Variants in WIZ observed in about 807,000 individuals in gnomAD.
WIZ encodes the protein WIZ zinc finger, also known as protein Wiz.
Under a neutral mutation model 140.2 loss-of-function variants are expected in WIZ, and 25 were observed. The observed-to-expected ratio is 0.18, with a 90% CI of 0.13 to 0.25. The LOEUF (loss-of-function observed/expected upper bound fraction) is 0.25. Ranked by LOEUF, WIZ falls within the 10% of genes least tolerant of loss-of-function variation. The pLI is 1.00. For missense variants in WIZ, 2,231 were observed against 2,632.6 expected (o/e 0.85, Z 3.34); for synonymous variants, 1,125 against 1,154.3 (o/e 0.97, Z 0.51).
chr19:15,444,287 G>T (rs1417549127), intron 2 of WIZ, among the ~76,000 whole-genome samples: 1 of 152,200 alleles, frequency 6.6e-6, no homozygotes, highest in Admixed American at 6.5e-5. Flanking sequence ...GAAAGGTGTG[G>T]TCACTGGCTG....
rs1016701285 is a variant in WIZ at position 15,438,688 on chromosome 19, C to T, written c.2306G>A (p.Arg769Gln). The T allele has an allele frequency of 5.2e-6, 8 of 1,536,146 alleles. No homozygotes were observed. The highest frequency in any genetic ancestry group is 2.0e-5 in the Admixed American group (1 of 51,006). ...GACGCCCACGCGGTTCAGGTGGCCC[C>T]GGACGTGGTTGGCCAAGCCGATGCC... ...HNGIGLANHV[R>Q]GHLNRVGVSY... The change falls in exon 4 of 13, where the codon CGG becomes CAG. Residue 769 changes from arginine (R) to glutamine (Q), a missense_variant. Arg to Gln is a conservative substitution (Grantham distance 43). Transcript: ENST00000673675.
In WIZ at chr19:15,448,209, C is replaced by A; in HGVS notation, c.99G>T (p.Gly33=). The A allele has an allele frequency of 6.2e-7, 1 of 1,613,298 alleles. No homozygotes were observed. ...CACCTTCCCCCTCAGCAGCTTCGGC[C>A]CCACCCTCGATGTTCTCCCTTGGCG... The part of the protein sequence containing the change: ...GPAPRENIEG[G]AEAAEGEGGI... The change falls in exon 2 of 13, where the codon GGG becomes GGT. Residue 33 remains glycine (G), a synonymous_variant. Transcript: ENST00000673675.
chr19:15,436,125 A>G (rs1000780165), intron 5 of WIZ, among the ~76,000 whole-genome samples: 1 of 152,170 alleles, frequency 6.6e-6, no homozygotes, highest in African/African-American at 2.4e-5. Context: ...TCCATCTCGA[A>G]AAAAAAGAAA....
In WIZ at chr19:15,420,971, C is replaced by T. The variant is rs1280770009; in HGVS notation, c.*2105G>A. 3 of 152,092 alleles carry T rather than the reference C, an allele frequency of 2.0e-5. No individual in the cohort carries two copies. Among genetic ancestry groups the T allele is most frequent in the African/African-American group, 4.8e-5 (2 of 41,416 alleles). The allele number at this position is 152,092 out of a possible 1,614,324, so 9.4% of individuals were successfully genotyped here. A position where few individuals can be genotyped will look rare whatever the true frequency, so the allele number is the denominator to read the frequency against. The stretch of plus-strand genomic sequence containing the variant: ...TCTCTACAAAAATTACAGATATAAG[C>T]CAGGGGTGGTGGTGCATGCCTGTGA... On this transcript the variant is annotated 3_prime_UTR_variant, in exon 13 of 13. Transcript: ENST00000673675.
chr19:15,421,579 C>T lies in WIZ; in HGVS notation c.*1497G>A, dbSNP rs1030595749. The T allele has an allele frequency of 1.3e-5, 2 of 152,200 alleles. No homozygotes were observed. Among genetic ancestry groups the T allele is most frequent in the Non-Finnish European group, 2.9e-5 (2 of 68,036 alleles). 9.4% of individuals were successfully genotyped at this position (152,200 alleles called of 1,614,324 possible). ...AAATGTTCAATAAACATTTGCAGAG[C>T]GAGAAAATAAATAACATCGCAAAGG... is the stretch of plus-strand genomic sequence containing the variant. On this transcript the variant is annotated 3_prime_UTR_variant, in exon 13 of 13. Coordinates refer to ENST00000673675, the MANE Select transcript of WIZ (RefSeq NM_001371589.1).
In WIZ at chr19:15,440,876, C is replaced by T. The variant is rs538804042; in HGVS notation, c.279-161G>A. 3.3e-5 allele frequency among the ~76,000 whole-genome samples: 5 copies of T among 152,118 alleles called. No homozygotes were observed. Among genetic ancestry groups the T allele is most frequent in the African/African-American group, 9.6e-5 (4 of 41,500 alleles). On this transcript the variant is annotated intron_variant, in intron 3 of 12. Transcript: ENST00000673675. The surrounding 1 kb of genome is among the most constrained non-coding windows in gnomAD (Gnocchi z 6.2). Reference sequence around the variant, plus strand: ...GAGGGTGGGAGGTAGGGGGAGTCCACGTGGATCCTTCCGGACCTATCGGGT... The same window carrying T: ...GAGGGTGGGAGGTAGGGGGAGTCCATGTGGATCCTTCCGGACCTATCGGGT...
chr19:15,424,520 G>T lies in WIZ; in HGVS notation c.5314+93C>A. ...TGAATGGGTAAGCAACTGGAGAAAGGACTTAAGGGCCACAGCAGAGCGCCT... is the reference window on the plus strand; with the variant it reads ...TGAATGGGTAAGCAACTGGAGAAAGTACTTAAGGGCCACAGCAGAGCGCCT... On this transcript the variant is annotated intron_variant, in intron 11 of 12. Coordinates refer to ENST00000673675, the MANE Select transcript of WIZ (RefSeq NM_001371589.1). This position sits in a 1 kb window ranked among gnomAD's most constrained non-coding sequence, Gnocchi z 9.7. The T allele has an allele frequency of 6.5e-7, 1 of 1,531,048 alleles. No individual in the cohort carries two copies. Among genetic ancestry groups the T allele is most frequent in the South Asian group, 1.3e-5 (1 of 79,874 alleles). 94.8% of individuals were successfully genotyped at this position (1,531,048 alleles called of 1,614,324 possible). A position where few individuals can be genotyped will look rare whatever the true frequency, so the allele number is the denominator to read the frequency against.
intron 5 of WIZ, chr19:15,433,187 C>T (rs1445445520): frequency 5.4e-6 from 5 of 933,114 alleles, no homozygotes; most frequent in South Asian, 9.9e-5. Context: ...CACAAGAATC[C>T]CTCCAGTATC....
At chr19:15,449,635 C>T (rs1422745532) in intron 1 of WIZ, 163 bp downstream of exon 1, 2 of 149,762 alleles carry the variant, frequency 1.3e-5, no homozygotes, top group African/African-American at 4.9e-5. Flanking sequence ...CCGCCCCTCC[C>T]CCCACCTGCA....
intron 2 of WIZ, among the ~76,000 whole-genome samples, chr19:15,447,821 G>A (rs1430554407): frequency 2.6e-5 from 4 of 152,144 alleles, no homozygotes; most frequent in Non-Finnish European, 5.9e-5. Context: ...ATGGGCCTCT[G>A]GACCCAATTA....
At chr19:15,434,189 C>T (rs1198659955) in intron 5 of WIZ, among the ~76,000 whole-genome samples, 3 of 143,958 alleles carry the variant, frequency 2.1e-5, no homozygotes, top group African/African-American at 7.8e-5. Flanking sequence ...ACCCGGGAGG[C>T]GGAGGTTGCA....
At chr19:15,438,021 A>C (rs972684813) in intron 4 of WIZ, among the ~76,000 whole-genome samples, 1 of 151,982 alleles carries the variant, frequency 6.6e-6, no homozygotes, top group Non-Finnish European at 1.5e-5. Flanking sequence ...ACGCACACAC[A>C]CACACTCAAA....
intron 2 of WIZ, among the ~76,000 whole-genome samples, chr19:15,444,301 G>A (rs1969844003): frequency 1.3e-5 from 2 of 152,144 alleles, no homozygotes; most frequent in African/African-American, 4.8e-5. Flanking sequence ...CTGGCTGAGG[G>A]TCCTTCTTCT....
chr19:15,436,544 C>T (rs1404717866), intron 5 of WIZ: 3 of 450,192 alleles, frequency 6.7e-6, no homozygotes, highest in African/African-American at 6.2e-5. Context: ...CCAGTAAAAG[C>T]TCAGTAAGCA....
chr19:15,429,529 G>A (rs1226105220), intron 7 of WIZ, 57 bp downstream of exon 7: 1 of 1,289,044 alleles, frequency 7.8e-7, no homozygotes, highest in Non-Finnish European at 9.8e-7. Context: ...AGCCCAACCT[G>A]AGGTCCCGAC....
Position 15,440,737 on chromosome 19 carries a change from G to A in WIZ, c.279-22C>T. The A allele has an allele frequency of 1.4e-6, 2 of 1,468,262 alleles. No homozygotes were observed. Among genetic ancestry groups the A allele is most frequent in the South Asian group, 1.3e-5 (1 of 74,100 alleles). The allele number at this position is 1,468,262 out of a possible 1,614,324, so 91.0% of individuals were successfully genotyped here. On this transcript the variant is annotated intron_variant, in intron 3 of 12. Coordinates refer to ENST00000673675, the MANE Select transcript of WIZ (RefSeq NM_001371589.1). The surrounding 1 kb of genome is among the most constrained non-coding windows in gnomAD (Gnocchi z 6.2). ...GCAGCTGCAAGGAAGTGCCAATGGG[G>A]ACAGGTTAGCCATGGGCTGCAGTTT...
Position 15,428,562 on chromosome 19 carries a change from G to T in WIZ, c.3416-54C>A. 6.5e-7 allele frequency: 1 copy of T among 1,534,564 alleles called. No individual in the cohort carries two copies. Among genetic ancestry groups the T allele is most frequent in the Non-Finnish European group, 8.7e-7 (1 of 1,146,298 alleles). ...ACGGCCGCCACCTTGGCCGGCCTTG[G>T]GGGCCTGAGGTAGGAGGGTCTGGTG... On this transcript the variant is annotated intron_variant, in intron 7 of 12. Transcript: ENST00000673675. This position sits in a 1 kb window ranked among gnomAD's most constrained non-coding sequence, Gnocchi z 6.4.
Position 15,442,948 on chromosome 19 carries a change from G to T in WIZ, c.206-200C>A, listed in dbSNP as rs1184624852. Among the ~76,000 whole-genome samples, 1 of 151,946 alleles carries T rather than the reference G, an allele frequency of 6.6e-6. No individual in the cohort carries two copies. Among genetic ancestry groups the T allele is most frequent in the East Asian group, 1.9e-4 (1 of 5,148 alleles). On this transcript the variant is annotated intron_variant, in intron 2 of 12. Transcript: ENST00000673675. This position sits in a 1 kb window ranked among gnomAD's most constrained non-coding sequence, Gnocchi z 5.5. ...AAGAGTCCCCTTGGCTCTCCTGGGG[G>T]ACCCCAGGGCCTTGCTGCCTTCCAA...
chr19:15,446,626 T>A (rs1031379673), intron 2 of WIZ, among the ~76,000 whole-genome samples: 1 of 152,158 alleles, frequency 6.6e-6, no homozygotes, highest in African/African-American at 2.4e-5. Flanking sequence ...CCTAGATGCT[T>A]GCTTCCCCCT....
Sources: gnomAD v4.1 joint callset for allele counts (sites outside exome capture counted in the v4.1 genomes callset) on GRCh38, gnomAD v4.1.1 for gene constraint, Gnocchi (gnomAD v3.1) non-coding constraint, MANE v1.5 for transcripts, NCBI Gene and HGNC (gene_info 2026-07-23, HGNC 2026-07-21) for gene names.